The following POU2AF3 variants were observed in gnomAD, a reference collection of about 807,000 sequenced individuals.
POU2AF3 encodes cancer susceptibility candidate 13.
the POU2AF3 span, among the ~76,000 whole-genome samples, chr11:111,305,934 G>C: frequency 4.6e-5 from 7 of 152,318 alleles, no homozygotes; most frequent in East Asian, 1.3e-3. Flanking sequence ...TACTGAGTAA[G>C]AGTGAAAAGT....
chr11:111,302,655 C>T, the POU2AF3 span, among the ~76,000 whole-genome samples: 1 of 152,176 alleles, frequency 6.6e-6, no homozygotes, highest in Admixed American at 6.5e-5. Flanking sequence ...AGAAATAAAG[C>T]AGGACTTCTG....
At chr11:111,304,846 A>G in the POU2AF3 span, 1 of 748,726 alleles carries the variant, frequency 1.3e-6, no homozygotes, top group East Asian at 3.4e-5. Context: ...AGAAAGAAAC[A>G]TAGTCCTCAT....
the POU2AF3 span, chr11:111,300,688 G>C: frequency 2.6e-5 from 23 of 869,782 alleles, no homozygotes; most frequent in Non-Finnish European, 7.6e-6. Context: ...TGTCTGCAAG[G>C]TGTGGAGGCC....
At chr11:111,304,850 T>A in the POU2AF3 span, 1 of 761,872 alleles carries the variant, frequency 1.3e-6, no homozygotes. Flanking sequence ...AGAAACATAG[T>A]CCTCATCAAA....
chr11:111,304,996 G>T, the POU2AF3 span: 1 of 1,229,116 alleles, frequency 8.1e-7, no homozygotes, highest in African/African-American at 1.6e-5. Flanking sequence ...AGTACAGCCA[G>T]CATTAACAGT....
the POU2AF3 span, among the ~76,000 whole-genome samples, chr11:111,304,476 T>C: frequency 6.6e-6 from 1 of 152,096 alleles, no homozygotes; most frequent in African/African-American, 2.4e-5. Context: ...AATCTGATAT[T>C]AGGAAAAAAA....
the POU2AF3 span, chr11:111,304,778 G>GAA: frequency 1.3e-3 from 455 of 343,774 alleles, no homozygotes; most frequent in Middle Eastern, 3.8e-3. Flanking sequence ...GTCAAACATT[G>GAA]AAAAAAAAAA....
At chr11:111,299,833 A>G in the POU2AF3 span, 2 of 810,502 alleles carry the variant, frequency 2.5e-6, no homozygotes, top group Non-Finnish European at 3.3e-6. Flanking sequence ...GAGCGGGCAG[A>G]AGGCAAAGAC....
chr11:111,306,328 A>T, the POU2AF3 span: 1 of 856,316 alleles, frequency 1.2e-6, no homozygotes, highest in Non-Finnish European at 1.7e-6. Context: ...CAGAGTATAG[A>T]TCTCCATTCA....
the POU2AF3 span, chr11:111,298,560 G>C: frequency 1.2e-5 from 15 of 1,246,330 alleles, no homozygotes; most frequent in Non-Finnish European, 1.5e-5. Context: ...TCCAGCCACC[G>C]ACCCAGCTCC....
chr11:111,299,171 C>G, the POU2AF3 span: 1 of 959,620 alleles, frequency 1.0e-6, no homozygotes. Flanking sequence ...GACCCTAACT[C>G]CTGGAACCCG....
chr11:111,308,212 A>C, the POU2AF3 span: 1 of 1,551,760 alleles, frequency 6.4e-7, no homozygotes, highest in Non-Finnish European at 8.7e-7. Flanking sequence ...ACCCCCCAGA[A>C]GACCATTCCT....
chr11:111,298,826 G>GCGGGGGGGGGGGCC, the POU2AF3 span: 6 of 790,962 alleles, frequency 7.6e-6, no homozygotes, highest in Non-Finnish European at 1.0e-5. Flanking sequence ...CGTACCCCAG[G>GCGGGGGGGGGGGCC]CCCCCGCCCG....
chr11:111,300,339 G>C, the POU2AF3 span: 774 of 347,886 alleles, frequency 2.2e-3, 6 homozygotes, highest in African/African-American at 0.015. Flanking sequence ...TCTGAAACCT[G>C]CTCAGCTACT....
At chr11:111,301,043 C>A in the POU2AF3 span, among the ~76,000 whole-genome samples, 2 of 152,138 alleles carry the variant, frequency 1.3e-5, no homozygotes, top group Non-Finnish European at 2.9e-5. Context: ...TGTGGAACAT[C>A]CTCCCTTCCC....
At chr11:111,308,628 G>A in the POU2AF3 span, 1 of 448,520 alleles carries the variant, frequency 2.2e-6, no homozygotes, top group African/African-American at 2.0e-5. Context: ...CTCCTACTTT[G>A]TATGCTCATA....
the POU2AF3 span, chr11:111,300,240 A>T: frequency 1.3e-5 from 4 of 316,942 alleles, no homozygotes; most frequent in Non-Finnish European, 2.3e-5. Context: ...TCCAGAGCAG[A>T]AAAACCCGTT....
the POU2AF3 span, chr11:111,304,889 CT>C: frequency 8.4e-7 from 1 of 1,196,870 alleles, no homozygotes; most frequent in Non-Finnish European, 1.0e-6. Flanking sequence ...CAGAGCATTT[CT>C]TTCAGCCTGC....
chr11:111,302,109 G>A, the POU2AF3 span, among the ~76,000 whole-genome samples: 7 of 152,218 alleles, frequency 4.6e-5, no homozygotes, highest in Non-Finnish European at 8.8e-5. Context: ...AACCAGCGGA[G>A]GTAAGTAGAT....
Sources: gnomAD v4.1 joint callset for allele counts (sites outside exome capture counted in the v4.1 genomes callset) on GRCh38, gnomAD v4.1.1 for gene constraint, MANE v1.5 for transcripts, NCBI Gene and HGNC (gene_info 2026-07-23, HGNC 2026-07-21) for gene names.